SLC38A8: variants seen among roughly 807,000 people sequenced by gnomAD.
SLC38A8 encodes amino acid transporter SLC38A8.
In SLC38A8, 65 loss-of-function variants were observed where a neutral mutation model predicts 46.0. That is an observed-to-expected ratio of 1.41 (90% CI 1.16 to 1.74). The LOEUF (loss-of-function observed/expected upper bound fraction) is 1.74. SLC38A8 is among the 40% of genes most tolerant of loss of function. The pLI is 0.00. For synonymous variants in SLC38A8, 447 were observed against 243.7 expected, an observed-to-expected ratio of 1.83 and a Z score of -7.77; for missense variants, 998 against 567.9, an observed-to-expected ratio of 1.76 and a Z score of -7.70.
intron 3 of SLC38A8, among the ~76,000 whole-genome samples, 193 bp from the exon 4 acceptor site, chr16:84,033,662 T>G (rs2085271632): frequency 1.3e-5 from 2 of 152,074 alleles, no homozygotes; most frequent in Admixed American, 1.3e-4. Flanking sequence ...ACACATGAAT[T>G]CATTCAACAA....
chr16:84,016,347 G>A (rs1371261986), intron 9 of SLC38A8, among the ~76,000 whole-genome samples, 172 bp downstream of exon 9: 2 of 152,204 alleles, frequency 1.3e-5, no homozygotes, highest in East Asian at 1.9e-4. Flanking sequence ...GGGAAGGTAT[G>A]TAAAGCCCAA....
chr16:84,015,513 C>T (rs1052738111), intron 9 of SLC38A8, among the ~76,000 whole-genome samples: 5 of 152,012 alleles, frequency 3.3e-5, no homozygotes, highest in Non-Finnish European at 7.4e-5. Flanking sequence ...GAGGCACCAG[C>T]GGTAGCATGG....
At chr16:84,012,670 C>T (rs1482637243) in intron 10 of SLC38A8, among the ~76,000 whole-genome samples, 1 of 152,232 alleles carries the variant, frequency 6.6e-6, no homozygotes, top group Non-Finnish European at 1.5e-5. Flanking sequence ...AGCCTGCACC[C>T]TGATCCTGCC....
intron 7 of SLC38A8, among the ~76,000 whole-genome samples, chr16:84,020,387 C>A (rs766768448): frequency 6.6e-6 from 1 of 152,136 alleles, no homozygotes; most frequent in Non-Finnish European, 1.5e-5. Flanking sequence ...CTCAAGCAGT[C>A]CTTTCACCTC....
At chr16:84,032,638 C>G (rs1302056673) in intron 4 of SLC38A8, among the ~76,000 whole-genome samples, 1 of 152,212 alleles carries the variant, frequency 6.6e-6, no homozygotes, top group Non-Finnish European at 1.5e-5. Flanking sequence ...AAGCCGCCCC[C>G]TGGCTTGGTC....
intron 10 of SLC38A8, among the ~76,000 whole-genome samples, chr16:84,012,539 G>C (rs1254725977): frequency 6.6e-6 from 1 of 152,194 alleles, no homozygotes; most frequent in Non-Finnish European, 1.5e-5. Flanking sequence ...GAAGACATGT[G>C]GGTATGGTGG....
intron 2 of SLC38A8, among the ~76,000 whole-genome samples, chr16:84,038,906 G>A (rs527525436): frequency 1.3e-5 from 2 of 152,304 alleles, no homozygotes; most frequent in African/African-American, 2.4e-5. Context: ...CATGGTGGTC[G>A]AGCATTCCAC....
chr16:84,014,492 AC>A (rs2085001000), intron 9 of SLC38A8, among the ~76,000 whole-genome samples: 1 of 150,620 alleles, frequency 6.6e-6, no homozygotes, highest in Admixed American at 6.6e-5. Flanking sequence ...CCACACCCTC[AC>A]CTGTGAAAGC....
Position 84,039,743 on chromosome 16 carries a change from CAAAAAAAAA to C in SLC38A8, c.189+2217_189+2225del, listed in dbSNP as rs56074069. On this transcript the variant is annotated intron_variant, in intron 2 of 10. Coordinates refer to ENST00000299709, the MANE Select transcript of SLC38A8 (RefSeq NM_001080442.3). ...AGCCTGGGCAAGAGAGTGAGACCTT[CAAAAAAAAA>C]AAAAAAAAAAAAAAAAGGCAGGGGA... is the stretch of plus-strand genomic sequence containing the variant. Among the ~76,000 whole-genome samples, 6 of 85,806 alleles carry C rather than the reference CAAAAAAAAA, an allele frequency of 7.0e-5. No homozygotes were observed. In the South Asian group the frequency reaches 2.3e-3, roughly 32 times the overall value. 56.3% of individuals were successfully genotyped at this position (85,806 alleles called of 152,430 possible).
chr16:84,015,293 C>G (rs982060422), intron 9 of SLC38A8, among the ~76,000 whole-genome samples: 3 of 152,092 alleles, frequency 2.0e-5, no homozygotes, highest in Admixed American at 6.6e-5. Context: ...GAAGAAGCAT[C>G]CCTCCAGCCC....
chr16:84,015,629 C>G (rs1019067394), intron 9 of SLC38A8, among the ~76,000 whole-genome samples: 4 of 152,040 alleles, frequency 2.6e-5, no homozygotes, highest in Non-Finnish European at 5.9e-5. Flanking sequence ...CATAAACGTT[C>G]CTACGTCAAG....
chr16:84,034,040 GT>G (rs1264530892), intron 3 of SLC38A8, among the ~76,000 whole-genome samples: 1 of 152,198 alleles, frequency 6.6e-6, no homozygotes, highest in African/African-American at 2.4e-5. Context: ...TGCTTGGGGG[GT>G]CTCTGGCTGG....
At chr16:84,012,396 T>C (rs528701120) in intron 10 of SLC38A8, among the ~76,000 whole-genome samples, 2 of 152,306 alleles carry the variant, frequency 1.3e-5, no homozygotes, top group South Asian at 4.1e-4. Flanking sequence ...GAAGGAAAGA[T>C]CCAAATTATC....
At chr16:84,017,004 G>C (rs1287618758) in intron 8 of SLC38A8, 136 bp downstream of exon 8, 3 of 1,275,322 alleles carry the variant, frequency 2.4e-6, no homozygotes, top group South Asian at 3.0e-5. Context: ...TAAATCCTCT[G>C]TGCCTGTTTC....
Position 84,020,028 on chromosome 16 carries a change from G to T in SLC38A8, c.806-2741C>A, listed in dbSNP as rs550392481. ...CGCAGGCAGGTGTTGCACGTTGCTG[G>T]TAACTTCGCAGTTTGTAGTCCCAGT... On this transcript the variant is annotated intron_variant, in intron 7 of 10. Coordinates refer to ENST00000299709, the MANE Select transcript of SLC38A8 (RefSeq NM_001080442.3). Among the ~76,000 whole-genome samples the T allele has an allele frequency of 3.9e-5, 6 of 152,328 alleles. No individual in the cohort carries two copies. In the South Asian group the frequency reaches 1.2e-3, roughly 32 times the overall value.
chr16:84,033,087 A>T (rs1567701374), intron 4 of SLC38A8, among the ~76,000 whole-genome samples: 1 of 152,144 alleles, frequency 6.6e-6, no homozygotes, highest in Non-Finnish European at 1.5e-5. Context: ...AGCCATGTGC[A>T]AAAAATCCAA....
intron 10 of SLC38A8, among the ~76,000 whole-genome samples, chr16:84,011,958 G>C (rs574447839): frequency 1.3e-5 from 2 of 152,152 alleles, no homozygotes; most frequent in Non-Finnish European, 2.9e-5. Flanking sequence ...TAATGATAAA[G>C]GCAGAGACTG....
intron 7 of SLC38A8, among the ~76,000 whole-genome samples, 194 bp from the exon 8 acceptor site, chr16:84,017,481 C>T (rs552358512): frequency 6.6e-6 from 1 of 152,190 alleles, no homozygotes; most frequent in South Asian, 2.1e-4. Flanking sequence ...ATTCAAGACC[C>T]CTGCAGACAA....
chr16:84,022,732 G>A (rs375080834), intron 7 of SLC38A8, 43 bp downstream of exon 7: 19 of 1,504,652 alleles, frequency 1.3e-5, no homozygotes, highest in Non-Finnish European at 1.7e-5. Context: ...TGTTTCTACT[G>A]TCACTCCCCA....
Sources: gnomAD v4.1 joint callset for allele counts (sites outside exome capture counted in the v4.1 genomes callset) on GRCh38, gnomAD v4.1.1 for gene constraint, MANE v1.5 for transcripts, NCBI Gene and HGNC (gene_info 2026-07-23, HGNC 2026-07-21) for gene names.